SND1: variants seen among roughly 807,000 people sequenced by gnomAD.
SND1 encodes staphylococcal nuclease domain-containing protein 1.
In SND1, 38 loss-of-function variants were observed where a neutral mutation model predicts 121.7. The ratio of observed to expected loss-of-function variants is 0.31; its 90% CI spans 0.24 to 0.41. SND1 has a LOEUF of 0.41. Ranked by LOEUF, SND1 falls within the 10% of genes least tolerant of loss-of-function variation. The pLI, the probability that SND1 is intolerant of heterozygous loss-of-function variation, is 1.00. For missense variants in SND1, 868 were observed against 1,184.6 expected (o/e 0.73, Z 3.92); for synonymous variants, 401 against 447.4 (o/e 0.90, Z 1.31).
chr7:127,720,019 G>A (rs140500297), intron 9 of SND1, among the ~76,000 whole-genome samples: 63 of 152,200 alleles, frequency 4.1e-4, no homozygotes, highest in Non-Finnish European at 7.1e-4. Flanking sequence ...TTGTGTTTCC[G>A]GTGTGTGGCT....
intron 1 of SND1, among the ~76,000 whole-genome samples, chr7:127,662,890 CT>C (rs34629378): frequency 0.28 from 34,161 of 122,344 alleles, 3,363 homozygotes; most frequent in Admixed American, 0.34. Context: ...CCTCTTTTAT[CT>C]TTTTTTTTTT....
chr7:127,904,664 G>C, intron 13 of SND1, 83 bp from the exon 14 acceptor site: 1 of 845,288 alleles, frequency 1.2e-6, no homozygotes. Flanking sequence ...AACAACCCTC[G>C]CTTCTCTCTT....
At chr7:127,666,501 A>G (rs1276513791) in intron 1 of SND1, among the ~76,000 whole-genome samples, 1 of 152,136 alleles carries the variant, frequency 6.6e-6, no homozygotes, top group Non-Finnish European at 1.5e-5. Context: ...GTGGCCCCTG[A>G]GTCTGAGCTG....
intron 15 of SND1, among the ~76,000 whole-genome samples, chr7:127,954,725 T>C (rs1401879069): frequency 6.6e-6 from 1 of 152,138 alleles, no homozygotes; most frequent in Non-Finnish European, 1.5e-5. Context: ...GAGAGCTTCA[T>C]TGATTTGGGA....
intron 1 of SND1, among the ~76,000 whole-genome samples, chr7:127,653,973 T>C (rs927315803): frequency 3.9e-5 from 6 of 152,254 alleles, no homozygotes; most frequent in African/African-American, 1.2e-4. Flanking sequence ...TCATTTGCAC[T>C]GATCTTCTCT....
In SND1 at chr7:128,074,543, T is replaced by G; in HGVS notation, c.1821T>G (p.Phe607Leu). The G allele has an allele frequency of 6.2e-7, 1 of 1,613,518 alleles. No homozygotes were observed. The highest frequency in any genetic ancestry group is 8.5e-7 in the Non-Finnish European group (1 of 1,179,772). The change falls in exon 17 of 24, where the codon TTT becomes TTG. Residue 607 changes from phenylalanine (F) to leucine (L), a missense_variant. Coordinates refer to ENST00000354725, the MANE Select transcript of SND1 (RefSeq NM_014390.4). ...AGAGCATGGACAAGGCCGGCAACTT[T>G]ATCGGCTGGCTGCACATCGACGGTG... ...EVESMDKAGNFIGWLHIDGAN... is the reference protein window; with the variant it reads ...EVESMDKAGNLIGWLHIDGAN...
chr7:128,074,283 G>T (rs762267805), intron 16 of SND1, among the ~76,000 whole-genome samples: 1 of 152,196 alleles, frequency 6.6e-6, no homozygotes, highest in South Asian at 2.1e-4. Flanking sequence ...GCTTTCTGCC[G>T]CAAGGAGGGG....
At chr7:127,765,037 A>G (rs1298047871) in intron 10 of SND1, among the ~76,000 whole-genome samples, 1 of 152,206 alleles carries the variant, frequency 6.6e-6, no homozygotes, top group Non-Finnish European at 1.5e-5. Flanking sequence ...AGTTGGTAAC[A>G]TTCTCTTTGG....
intron 8 of SND1, among the ~76,000 whole-genome samples, chr7:127,706,256 C>CG (rs71708156): frequency 1.4e-5 from 1 of 72,018 alleles, no homozygotes; most frequent in Non-Finnish European, 2.5e-5. Flanking sequence ...CCCCCCTCCC[C>CG]CCCCCCACCT....
intron 11 of SND1, among the ~76,000 whole-genome samples, chr7:127,841,612 G>T (rs1333710201): frequency 6.6e-6 from 1 of 152,144 alleles, no homozygotes. Context: ...GGGTGTATTA[G>T]CATCAAGACC....
intron 11 of SND1, among the ~76,000 whole-genome samples, chr7:127,816,281 A>T (rs567119055): frequency 6.6e-6 from 1 of 152,314 alleles, no homozygotes; most frequent in East Asian, 1.9e-4. Context: ...TGCTCATCCC[A>T]TTCAAGGTTG....
intron 10 of SND1, among the ~76,000 whole-genome samples, chr7:127,754,817 A>G (rs1797165075): frequency 6.6e-6 from 1 of 152,246 alleles, no homozygotes; most frequent in South Asian, 2.1e-4. Flanking sequence ...CTTTTGGAGC[A>G]CCAGTTGTTT....
chr7:127,772,270 A>G (rs1797525991), intron 10 of SND1, among the ~76,000 whole-genome samples: 1 of 152,224 alleles, frequency 6.6e-6, no homozygotes, highest in African/African-American at 2.4e-5. Context: ...AATTAGATTT[A>G]AGTACTCAGA....
intron 14 of SND1, among the ~76,000 whole-genome samples, chr7:127,907,781 G>A (rs996389321): frequency 3.9e-5 from 6 of 152,150 alleles, no homozygotes; most frequent in Admixed American, 1.3e-4. Flanking sequence ...AGTGTTAACT[G>A]CCTCCATTTT....
intron 15 of SND1, among the ~76,000 whole-genome samples, chr7:127,939,628 G>A (rs1308146762): frequency 6.6e-6 from 1 of 152,160 alleles, no homozygotes; most frequent in African/African-American, 2.4e-5. Flanking sequence ...TTATGTGCCA[G>A]CCTATCTAGG....
Position 127,769,452 on chromosome 7 carries a change from G to T in SND1, c.1153-38032G>T, listed in dbSNP as rs1584559610. 5.3e-5 allele frequency among the ~76,000 whole-genome samples: 8 copies of T among 152,276 alleles called. 2 individuals carry two copies. The highest frequency in any genetic ancestry group is 5.2e-4 in the Admixed American group (8 of 15,306). On this transcript the variant is annotated intron_variant, in intron 10 of 23. Coordinates refer to ENST00000354725, the MANE Select transcript of SND1 (RefSeq NM_014390.4). Reference sequence around the variant, plus strand: ...CTACCTGGAGTATTGAATTCCTGCTGAATTCAGAGGACTGAACTTAAATTG... The same window carrying T: ...CTACCTGGAGTATTGAATTCCTGCTTAATTCAGAGGACTGAACTTAAATTG...
intron 11 of SND1, among the ~76,000 whole-genome samples, chr7:127,841,665 T>C (rs776701432): frequency 7.2e-5 from 11 of 152,032 alleles, no homozygotes; most frequent in Non-Finnish European, 1.6e-4. Flanking sequence ...GGCCTGTCTG[T>C]GTGCAGCCCT....
At chr7:128,031,846 C>T (rs1181492201) in intron 16 of SND1, among the ~76,000 whole-genome samples, 13 of 150,310 alleles carry the variant, frequency 8.6e-5, no homozygotes, top group Non-Finnish European at 1.5e-4. Context: ...GGAGCGAGTT[C>T]GCGGCTTCGG....
chr7:128,027,912 A>C (rs556290745), intron 16 of SND1: 4 of 152,426 alleles, frequency 2.6e-5, no homozygotes, highest in African/African-American at 9.6e-5. Context: ...AATCTGGTGC[A>C]ATGTGAAAGC....
Sources: allele counts gnomAD v4.1 joint callset (sites outside exome capture counted in the v4.1 genomes callset), GRCh38; gene constraint gnomAD v4.1.1; transcripts MANE v1.5; gene names NCBI Gene and HGNC (gene_info 2026-07-23, HGNC 2026-07-21).